Variants in KLHL7 observed in about 807,000 individuals in gnomAD.
The protein encoded by KLHL7 is kelch like family member 7, also known as kelch-like protein 7.
In KLHL7, 44 loss-of-function variants were observed where a neutral mutation model predicts 67.4. That is an observed-to-expected ratio of 0.65 (90% CI 0.51 to 0.84). KLHL7 has a LOEUF of 0.84. Among genes scored for constraint, KLHL7 ranks in the 40% least tolerant of loss-of-function variants. KLHL7 has a pLI of 0.00. For missense variants in KLHL7, 362 were observed against 718.1 expected (o/e 0.50, Z 5.67); for synonymous variants, 252 against 243.3 (o/e 1.04, Z -0.33).
In KLHL7 at chr7:23,128,419, G is replaced by GT. The variant is rs1441755796; in HGVS notation, c.442+3250dup. Among the ~76,000 whole-genome samples, 91 of 88,436 alleles carry GT rather than the reference G, an allele frequency of 1.0e-3. 7 individuals carry two copies. The highest frequency in any genetic ancestry group is 2.7e-4 in the Admixed American group (2 of 7,496). 58.0% of individuals were successfully genotyped at this position (88,436 alleles called of 152,430 possible). A position where few individuals can be genotyped will look rare whatever the true frequency, so the allele number is the denominator to read the frequency against. On this transcript the variant is annotated intron_variant, in intron 4 of 10. Transcript: ENST00000339077. ...TCAAATAAGACTACGACTTCTTTGG[G>GT]TTTAAAAAAAAAAAAAAAAAAAAAA...
At chr7:23,148,584 T>A (rs73086128) in intron 6 of KLHL7, among the ~76,000 whole-genome samples, 41,478 of 151,994 alleles carry the variant, frequency 0.27, 7,079 homozygotes, top group Middle Eastern at 0.42. Flanking sequence ...TTAGATTTTG[T>A]ACATGCTAGT....
intron 9 of KLHL7, among the ~76,000 whole-genome samples, chr7:23,168,475 T>G (rs1785065577): frequency 6.6e-6 from 1 of 152,242 alleles, no homozygotes; most frequent in Admixed American, 6.5e-5. Flanking sequence ...ACTTCCTAAG[T>G]ACATTTAGAT....
intron 8 of KLHL7, among the ~76,000 whole-genome samples, chr7:23,167,092 T>A (rs970185860): frequency 6.6e-6 from 1 of 151,872 alleles, no homozygotes; most frequent in Non-Finnish European, 1.5e-5. Flanking sequence ...TGGTGGGAGA[T>A]GAGAAATAGT....
chr7:23,135,203 G>A (rs1320573732), intron 4 of KLHL7, among the ~76,000 whole-genome samples: 1 of 152,106 alleles, frequency 6.6e-6, no homozygotes, highest in Non-Finnish European at 1.5e-5. Flanking sequence ...GGTCATTCAG[G>A]AGCATACTGT....
chr7:23,138,631 G>A (rs940954165), intron 4 of KLHL7, among the ~76,000 whole-genome samples: 1 of 151,738 alleles, frequency 6.6e-6, no homozygotes, highest in Non-Finnish European at 1.5e-5. Context: ...TCTGCCTCCC[G>A]GGTTCAAGTG....
At chr7:23,151,875 TAAATG>T (rs1346092334) in intron 6 of KLHL7, among the ~76,000 whole-genome samples, 187 bp from the exon 7 acceptor site, 1 of 151,732 alleles carries the variant, frequency 6.6e-6, no homozygotes, top group Non-Finnish European at 1.5e-5. Flanking sequence ...TTGCTGAGAA[TAAATG>T]AATTGGTTAG....
intron 6 of KLHL7, among the ~76,000 whole-genome samples, chr7:23,148,783 C>A (rs1479822617): frequency 1.3e-5 from 2 of 152,200 alleles, no homozygotes; most frequent in Non-Finnish European, 2.9e-5. Flanking sequence ...GAAATTCAAC[C>A]AAGTGTGAGG....
chr7:23,111,502 A>G (rs1266346435), intron 1 of KLHL7, among the ~76,000 whole-genome samples: 1 of 152,128 alleles, frequency 6.6e-6, no homozygotes, highest in Non-Finnish European at 1.5e-5. Context: ...GCATGTTTGT[A>G]GAGATGGTAT....
chr7:23,172,710 A>G (rs1583741854), intron 9 of KLHL7: 1 of 374,398 alleles, frequency 2.7e-6, no homozygotes, highest in African/African-American at 2.1e-5. Flanking sequence ...AGATATCCTC[A>G]TTTTCTTATA....
intron 3 of KLHL7, 69 bp downstream of exon 3, chr7:23,124,850 A>C: frequency 8.3e-7 from 1 of 1,201,290 alleles, no homozygotes; most frequent in Non-Finnish European, 1.2e-6. Flanking sequence ...CATTGTCGTA[A>C]CAAATAGTTG....
intron 9 of KLHL7, among the ~76,000 whole-genome samples, chr7:23,170,907 CTTTT>C (rs34932759): frequency 1.5e-5 from 2 of 132,928 alleles, no homozygotes; most frequent in Non-Finnish European, 1.6e-5. Context: ...TAAGAAATGA[CTTTT>C]TTTTTTTTTT....
Position 23,175,222 on chromosome 7 carries a change from A to C in KLHL7, c.*924A>C. On this transcript the variant is annotated 3_prime_UTR_variant, in exon 11 of 11. Transcript: ENST00000339077. ...TGAAATATTTAACCTAGTTGTCTCT[A>C]AAAGTTTTGTAATCATGAGTTAGAT... 1 of 454,066 alleles carries C rather than the reference A, an allele frequency of 2.2e-6. No homozygotes were observed. Among genetic ancestry groups the C allele is most frequent in the Middle Eastern group, 6.9e-4 (1 of 1,444 alleles). 28.1% of individuals were successfully genotyped at this position (454,066 alleles called of 1,614,324 possible).
intron 1 of KLHL7, among the ~76,000 whole-genome samples, chr7:23,117,080 C>CCTTTTTT (rs1783117789): frequency 1.2e-5 from 1 of 86,424 alleles, no homozygotes; most frequent in African/African-American, 4.6e-5. Context: ...TAGAGCCAGG[C>CCTTTTTT]CTTTTTTTTT....
At chr7:23,150,818 A>G (rs1784508414) in intron 6 of KLHL7, among the ~76,000 whole-genome samples, 2 of 152,206 alleles carry the variant, frequency 1.3e-5, no homozygotes, top group African/African-American at 4.8e-5. Context: ...TGATAAGTGA[A>G]AAAAGTATGA....
intron 7 of KLHL7, among the ~76,000 whole-genome samples, chr7:23,154,434 C>T (rs966450081): frequency 6.6e-6 from 1 of 152,154 alleles, no homozygotes; most frequent in Non-Finnish European, 1.5e-5. Flanking sequence ...CATAGTTTGC[C>T]AACCTCTGCT....
At chr7:23,172,904 T>C (rs1785205895) in intron 9 of KLHL7, 44 bp from the exon 10 acceptor site, 1 of 1,392,406 alleles carries the variant, frequency 7.2e-7, no homozygotes, top group Non-Finnish European at 1.0e-6. Context: ...ATGAGTTCTT[T>C]TACTTCCTGT....
At chr7:23,118,923 T>A (rs554521338) in intron 1 of KLHL7, among the ~76,000 whole-genome samples, 31 of 151,708 alleles carry the variant, frequency 2.0e-4, no homozygotes, top group Non-Finnish European at 4.0e-4. Flanking sequence ...GAAAAAAAAA[T>A]TAGCCAGGCA....
intron 7 of KLHL7, among the ~76,000 whole-genome samples, chr7:23,165,093 G>A (rs1473145729): frequency 6.6e-6 from 1 of 152,200 alleles, no homozygotes; most frequent in Non-Finnish European, 1.5e-5. Context: ...AATCATTGGG[G>A]TGAAAAGTGA....
At position 23,165,599 on chromosome 7, in the gene KLHL7, T is replaced by C. The variant is rs898348372; in HGVS notation, c.937-99T>C. On this transcript the variant is annotated intron_variant, in intron 7 of 10. Coordinates refer to ENST00000339077, the MANE Select transcript of KLHL7 (RefSeq NM_001031710.3). ...ACATTTGTATGTGTAGTCTAATAAA[T>C]TAACATATTCTTATATGTTTTTTGA... 3.8e-5 allele frequency: 49 copies of C among 1,302,008 alleles called. No individual in the cohort carries two copies. The Admixed American group carries it at 8.9e-4, about 24-fold the overall frequency. The allele number at this position is 1,302,008 out of a possible 1,614,324, so 80.7% of individuals were successfully genotyped here. A position where few individuals can be genotyped will look rare whatever the true frequency, so the allele number is the denominator to read the frequency against.
Sources: gnomAD v4.1 joint callset for allele counts (sites outside exome capture counted in the v4.1 genomes callset) on GRCh38, gnomAD v4.1.1 for gene constraint, MANE v1.5 for transcripts, NCBI Gene and HGNC (gene_info 2026-07-23, HGNC 2026-07-21) for gene names.